The following POU2F1 variants were observed in gnomAD, a reference collection of about 807,000 sequenced individuals.
POU2F1 encodes the protein POU class 2 homeobox 1.
In POU2F1, 16 loss-of-function variants were observed where a neutral mutation model predicts 84.9. The ratio of observed to expected loss-of-function variants is 0.19; its 90% CI spans 0.13 to 0.29. The LOEUF is 0.29. POU2F1 is among the 10% of genes least tolerant of loss of function. The pLI, the probability that POU2F1 is intolerant of heterozygous loss-of-function variation, is 1.00. For synonymous variants in POU2F1, 368 were observed against 368.3 expected (o/e 1.00, Z 0.01); for missense variants, 738 against 942.6 (o/e 0.78, Z 2.84).
intron 13 of POU2F1, among the ~76,000 whole-genome samples, chr1:167,404,577 G>A (rs1351517376): frequency 3.3e-5 from 5 of 152,160 alleles, no homozygotes; most frequent in Non-Finnish European, 5.9e-5. Flanking sequence ...TTTCTTTCAA[G>A]AGTAGGTGAC....
At position 167,412,021 on chromosome 1, in the gene POU2F1, TCAG is replaced by T. The variant is rs770207449; in HGVS notation, c.1622_1624del (p.Ala541del). ...GATTTCCACAGCGCCTCCAGCTTCC[TCAG>T]CAGTCACGTCCCCCTCTCTGAGTCC... On this transcript the variant is annotated inframe_deletion, in exon 14 of 16. Transcript: ENST00000367866. 39 of 1,614,136 alleles carry T rather than the reference TCAG, an allele frequency of 2.4e-5. No individual in the cohort carries two copies. In the Admixed American group the frequency reaches 4.3e-4, roughly 18 times the overall value.
At position 167,422,866 on chromosome 1, in the gene POU2F1, C is replaced by CTTTT. The variant is rs1318751738; in HGVS notation, c.*7057_*7060dup. On this transcript the variant is annotated 3_prime_UTR_variant, in exon 16 of 16. Transcript: ENST00000367866. ...TTTATCTCTTTCCTTCCCTTTTCCC[C>CTTTT]TTTTCCCAGTCCCCTGCTTTTTGAA... is the stretch of plus-strand genomic sequence containing the variant. The CTTTT allele has an allele frequency of 1.3e-5, 2 of 152,184 alleles. No homozygotes were observed. The highest frequency in any genetic ancestry group is 1.9e-4 in the East Asian group (1 of 5,198). 9.4% of individuals were successfully genotyped at this position (152,184 alleles called of 1,614,324 possible).
intron 13 of POU2F1, among the ~76,000 whole-genome samples, chr1:167,407,893 A>C (rs1238329034): frequency 6.6e-6 from 1 of 152,220 alleles, no homozygotes; most frequent in Non-Finnish European, 1.5e-5. Context: ...TAAAAGAAAA[A>C]AAAATTAGTA....
chr1:167,398,186 C>T, intron 11 of POU2F1, 53 bp downstream of exon 11: 1 of 1,562,510 alleles, frequency 6.4e-7, no homozygotes, highest in Non-Finnish European at 8.7e-7. Context: ...TAGTACTTAA[C>T]ATTAGTACTT....
intron 1 of POU2F1, among the ~76,000 whole-genome samples, chr1:167,235,916 A>T (rs1649415683): frequency 6.6e-6 from 1 of 152,164 alleles, no homozygotes; most frequent in South Asian, 2.1e-4. Context: ...AACTTTCTTT[A>T]ACAGAATATA....
chr1:167,227,115 G>A (rs1437971837), intron 1 of POU2F1, among the ~76,000 whole-genome samples: 2 of 152,062 alleles, frequency 1.3e-5, no homozygotes, highest in Non-Finnish European at 2.9e-5. Flanking sequence ...TGGAACTCCT[G>A]GACATTTATC....
At chr1:167,315,525 C>G (rs1028815669) in intron 1 of POU2F1, among the ~76,000 whole-genome samples, 2 of 152,138 alleles carry the variant, frequency 1.3e-5, no homozygotes, top group Non-Finnish European at 2.9e-5. Flanking sequence ...CCTGTAATCC[C>G]GGCTACTTGG....
intron 9 of POU2F1, among the ~76,000 whole-genome samples, chr1:167,390,112 G>A (rs1356594084): frequency 2.0e-5 from 3 of 152,176 alleles, no homozygotes; most frequent in Admixed American, 6.5e-5. Flanking sequence ...GGGAGGTCCC[G>A]AAACCAATCC....
chr1:167,361,490 G>A (rs1390505780), intron 2 of POU2F1, among the ~76,000 whole-genome samples: 1 of 152,118 alleles, frequency 6.6e-6, no homozygotes, highest in Non-Finnish European at 1.5e-5. Flanking sequence ...ATTTGTATAT[G>A]TTGAACCACC....
At chr1:167,248,493 A>G (rs1390853577) in intron 1 of POU2F1, among the ~76,000 whole-genome samples, 2 of 152,152 alleles carry the variant, frequency 1.3e-5, no homozygotes, top group Admixed American at 6.5e-5. Context: ...AGATGAGTCA[A>G]CTGAAATTAT....
At chr1:167,231,274 C>A (rs1163898825) in intron 1 of POU2F1, among the ~76,000 whole-genome samples, 1 of 151,962 alleles carries the variant, frequency 6.6e-6, no homozygotes, top group Non-Finnish European at 1.5e-5. Flanking sequence ...TCAGAAACAT[C>A]TTTTGGGTGA....
At chr1:167,289,445 A>G (rs111900305) in intron 1 of POU2F1, among the ~76,000 whole-genome samples, 1,801 of 152,284 alleles carry the variant, frequency 0.012, 37 homozygotes, top group African/African-American at 0.041. Context: ...AGGTGATGTG[A>G]TAGTGACTTC....
chr1:167,354,144 A>C (rs751970325), intron 2 of POU2F1, among the ~76,000 whole-genome samples: 1 of 152,204 alleles, frequency 6.6e-6, no homozygotes, highest in Non-Finnish European at 1.5e-5. Flanking sequence ...TTGTATGACT[A>C]CATTAGAATG....
At chr1:167,280,203 A>C (rs987670730) in intron 1 of POU2F1, among the ~76,000 whole-genome samples, 13 of 151,980 alleles carry the variant, frequency 8.6e-5, no homozygotes, top group African/African-American at 3.1e-4. Context: ...AAAAAAAAAA[A>C]AACTTATTGT....
At chr1:167,323,851 C>T (rs749954670) in intron 1 of POU2F1, among the ~76,000 whole-genome samples, 7 of 152,044 alleles carry the variant, frequency 4.6e-5, no homozygotes, top group Non-Finnish European at 1.0e-4. Flanking sequence ...TGCCATCACG[C>T]CTAGCTAATT....
chr1:167,228,088 T>C (rs1452981486), intron 1 of POU2F1, among the ~76,000 whole-genome samples: 4 of 152,342 alleles, frequency 2.6e-5, no homozygotes, highest in East Asian at 3.9e-4. Context: ...GGCGAGACTT[T>C]TAAACCGAGC....
At chr1:167,367,673 C>T (rs1341682986) in intron 3 of POU2F1, among the ~76,000 whole-genome samples, 1 of 152,124 alleles carries the variant, frequency 6.6e-6, no homozygotes, top group Non-Finnish European at 1.5e-5. Flanking sequence ...CACCTAGAAT[C>T]ACCAGTTGTT....
rs192380040 is a variant in POU2F1, at chr1:167,259,299, G to A, written c.61+38341G>A. Among the ~76,000 whole-genome samples the A allele has an allele frequency of 4.1e-4, 62 of 152,276 alleles. 1 individual carries two copies. The East Asian group carries it at 0.011, about 27-fold the overall frequency. ...ATTGGGAGACCATCCCAGATTTGAG[G>A]GATGCAGCTCTTGATGGGAGGAGCA... On this transcript the variant is annotated intron_variant, in intron 1 of 15. Transcript: ENST00000367866.
At chr1:167,351,168 C>T (rs1658535163) in intron 2 of POU2F1, among the ~76,000 whole-genome samples, 1 of 151,938 alleles carries the variant, frequency 6.6e-6, no homozygotes, top group East Asian at 1.9e-4. Context: ...GCCTGGCCGA[C>T]ATGGTGAAAC....
Sources: gnomAD v4.1 joint callset for allele counts (sites outside exome capture counted in the v4.1 genomes callset) on GRCh38, gnomAD v4.1.1 for gene constraint, MANE v1.5 for transcripts, NCBI Gene and HGNC (gene_info 2026-07-23, HGNC 2026-07-21) for gene names.